Variants in GUF1 observed in about 807,000 individuals in gnomAD.
The protein encoded by GUF1 is translation factor GUF1, mitochondrial.
GUF1 carries 78 observed loss-of-function variants against 82.4 expected under a neutral mutation model. That is an observed-to-expected ratio of 0.95 (90% confidence interval 0.79 to 1.14). The LOEUF (loss-of-function observed/expected upper bound fraction) is 1.14, where lower values mean the gene tolerates loss of function less well. Ranked by LOEUF, GUF1 falls within the 50% of genes most tolerant of loss-of-function variation. The pLI is 0.00. For missense variants in GUF1, 814 were observed against 798.2 expected, an observed-to-expected ratio of 1.02 and a Z score of -0.24; for synonymous variants, 279 against 282.3, an observed-to-expected ratio of 0.99 and a Z score of 0.12.
intron 6 of GUF1, among the ~76,000 whole-genome samples, chr4:44,684,754 A>C (rs1193219184): frequency 6.6e-6 from 1 of 152,162 alleles, no homozygotes; most frequent in African/African-American, 2.4e-5. Flanking sequence ...TTCATACTTT[A>C]AAATTAATAA....
Position 44,700,304 on chromosome 4 carries a change from C to T in GUF1, c.*1623C>T, listed in dbSNP as rs979389816. Reference sequence around the variant, plus strand: ...TCCTTATGGACAAAGAACTCAAAGTCTTCACATGAAACAAATGCATAAATG... The same window carrying T: ...TCCTTATGGACAAAGAACTCAAAGTTTTCACATGAAACAAATGCATAAATG... On this transcript the variant is annotated 3_prime_UTR_variant, in exon 17 of 17. Coordinates refer to ENST00000281543, the MANE Select transcript of GUF1 (RefSeq NM_021927.3). 1 of 152,132 alleles carries T rather than the reference C, an allele frequency of 6.6e-6. No homozygotes were observed. Among genetic ancestry groups the T allele is most frequent in the African/African-American group, 2.4e-5 (1 of 41,428 alleles). 9.4% of individuals were successfully genotyped at this position (152,132 alleles called of 1,614,324 possible).
chr4:44,690,779 A>T lies in GUF1; in HGVS notation c.1398A>T (p.Val466=), dbSNP rs757620363. 2.5e-6 allele frequency: 4 copies of T among 1,599,512 alleles called. No homozygotes were observed. In the South Asian group the frequency reaches 3.3e-5, roughly 13 times the overall value. Residue 466 remains valine, a synonymous_variant, in exon 12 of 17, where the codon GTA becomes GTT. Transcript: ENST00000281543. ...CACAATTCCCCGATAAATCAAAAGT[A>T]ACAGAATATTTGGAGCCAGTTGTTT... The part of the protein sequence containing the change: ...NPAQFPDKSK[V]TEYLEPVVLG...
intron 13 of GUF1, among the ~76,000 whole-genome samples, chr4:44,693,373 C>T (rs887874144): frequency 2.0e-5 from 3 of 151,866 alleles, no homozygotes; most frequent in African/African-American, 7.3e-5. Context: ...TATTTTGGAC[C>T]ACAACATAGC....
intron 6 of GUF1, among the ~76,000 whole-genome samples, chr4:44,684,293 A>G (rs1226061604): frequency 6.6e-6 from 1 of 152,130 alleles, no homozygotes; most frequent in African/African-American, 2.4e-5. Context: ...TCTCTGATAA[A>G]CTGAAACGTG....
At chr4:44,686,415 C>A in intron 7 of GUF1, 95 bp from the exon 8 acceptor site, 1 of 713,812 alleles carries the variant, frequency 1.4e-6, no homozygotes, top group Non-Finnish European at 2.1e-6. Flanking sequence ...CAAACTTTCT[C>A]AAGAACTCAA....
At chr4:44,684,819 A>G (rs1342294771) in intron 6 of GUF1, among the ~76,000 whole-genome samples, 1 of 152,156 alleles carries the variant, frequency 6.6e-6, no homozygotes, top group African/African-American at 2.4e-5. Context: ...TGATTTGGAG[A>G]TAAGTATATA....
At chr4:44,685,531 T>C (rs1714997219) in intron 6 of GUF1, among the ~76,000 whole-genome samples, 1 of 152,126 alleles carries the variant, frequency 6.6e-6, no homozygotes, top group Non-Finnish European at 1.5e-5. Context: ...AGTAGTAAGA[T>C]GCCTTATGGT....
chr4:44,698,598 A>G lies in GUF1; in HGVS notation c.1927A>G (p.Lys643Glu), dbSNP rs545503516. Residue 643 changes from lysine (K) to glutamate (E), a missense_variant, in exon 17 of 17, where the codon AAA becomes GAA. Lys to Glu is a moderately conservative substitution (Grantham distance 56). Coordinates refer to ENST00000281543, the MANE Select transcript of GUF1 (RefSeq NM_021927.3). ...GCTTTTGAAGAGACAAGCAGAAGGG[A>G]AAAAAAAGCTGAGGAAAATTGGCAA... ...MKLLKRQAEG[K>E]KKLRKIGNVE... The G allele has an allele frequency of 1.9e-5, 31 of 1,604,620 alleles. No homozygotes were observed. The highest frequency in any genetic ancestry group is 4.0e-5 in the African/African-American group (3 of 74,456).
chr4:44,696,569 T>C (rs1283119060), intron 15 of GUF1, among the ~76,000 whole-genome samples: 1 of 152,206 alleles, frequency 6.6e-6, no homozygotes, highest in African/African-American at 2.4e-5. Context: ...TCCTCAGTTA[T>C]GAAAAGCTGG....
At position 44,678,615 on chromosome 4, in the gene GUF1, C is replaced by T. The variant is rs1397414922; in HGVS notation, c.-8C>T. 1 of 1,449,094 alleles carries T rather than the reference C, an allele frequency of 6.9e-7. No individual in the cohort carries two copies. The highest frequency in any genetic ancestry group is 9.0e-7 in the Non-Finnish European group (1 of 1,111,026). The allele number at this position is 1,449,094 out of a possible 1,614,324, so 89.8% of individuals were successfully genotyped here. ...GTACCCTCTCCTGACGCCTCCGCCG[C>T]CCGGGTCATGTGGACCCTCGTGGGT... is the stretch of plus-strand genomic sequence containing the variant. On this transcript the variant is annotated 5_prime_UTR_variant, in exon 1 of 17. Coordinates refer to ENST00000281543, the MANE Select transcript of GUF1 (RefSeq NM_021927.3).
Position 44,678,554 on chromosome 4 carries a change from T to G in GUF1, c.-69T>G, listed in dbSNP as rs1714562822. On this transcript the variant is annotated 5_prime_UTR_variant, in exon 1 of 17. Transcript: ENST00000281543. ...CCACCGGATCCTACGGGGGGTACCT[T>G]CGAAAAAAAACGGGCTATGCTGCTG... 1 of 1,296,956 alleles carries G rather than the reference T, an allele frequency of 7.7e-7. No individual in the cohort carries two copies. The highest frequency in any genetic ancestry group is 3.7e-5 in the Admixed American group (1 of 26,970). 80.3% of individuals were successfully genotyped at this position (1,296,956 alleles called of 1,614,324 possible).
intron 4 of GUF1, 126 bp from the exon 5 acceptor site, chr4:44,682,208 G>A: frequency 2.1e-6 from 1 of 472,074 alleles, no homozygotes; most frequent in Non-Finnish European, 3.9e-6. Flanking sequence ...ATGGCATTTT[G>A]TTTAATTTTA....
chr4:44,687,995 A>T lies in GUF1; in HGVS notation c.939-12A>T. 1 of 1,604,396 alleles carries T rather than the reference A, an allele frequency of 6.2e-7. No homozygotes were observed. The highest frequency in any genetic ancestry group is 8.5e-7 in the Non-Finnish European group (1 of 1,175,094). ...AAAGCAGTAAATATTTGCATATAATAATTTTATTTAGATATGCAGGACAGG... is the reference window on the plus strand; with the variant it reads ...AAAGCAGTAAATATTTGCATATAATTATTTTATTTAGATATGCAGGACAGG... On this transcript the variant is annotated splice_polypyrimidine_tract_variant and intron_variant, in intron 8 of 16. Transcript: ENST00000281543.
Position 44,689,356 on chromosome 4 carries a change from T to C in GUF1, c.1149T>C (p.Asp383=), listed in dbSNP as rs1180459629. The change falls in exon 10 of 17, where the codon GAT becomes GAC. Residue 383 remains aspartate, a synonymous_variant. Coordinates refer to ENST00000281543, the MANE Select transcript of GUF1 (RefSeq NM_021927.3). ...CTATAGAAAAACTGACTTTAAATGA[T>C]TCCAGTGTGACCGTTCATCGGGATA... ...KSAIEKLTLN[D]SSVTVHRDSS... is the part of the protein sequence containing the mutation. The C allele has an allele frequency of 9.9e-6, 16 of 1,610,536 alleles. No individual in the cohort carries two copies. The highest frequency in any genetic ancestry group is 1.3e-5 in the Non-Finnish European group (15 of 1,177,790).
Position 44,678,708 on chromosome 4 carries a change from G to C in GUF1, c.86G>C (p.Gly29Ala). Residue 29 changes from glycine (G) to alanine (A), a missense_variant, in exon 1 of 17, where the codon GGG becomes GCG. Gly to Ala is a moderately conservative substitution (Grantham distance 60). Coordinates refer to ENST00000281543, the MANE Select transcript of GUF1 (RefSeq NM_021927.3). ...GGGGCCGCGCTTCTGGTGGCCCCGG[G>C]GCCCCGGTCCGCGCCGACCCTTGGG... Reference protein sequence around the residue: ...ATGAALLVAPGPRSAPTLGAA... With the variant: ...ATGAALLVAPAPRSAPTLGAA... 1 of 1,509,742 alleles carries C rather than the reference G, an allele frequency of 6.6e-7. No homozygotes were observed. Among genetic ancestry groups the C allele is most frequent in the Non-Finnish European group, 8.8e-7 (1 of 1,142,850 alleles). The allele number at this position is 1,509,742 out of a possible 1,614,324, so 93.5% of individuals were successfully genotyped here. A position where few individuals can be genotyped will look rare whatever the true frequency, so the allele number is the denominator to read the frequency against.
intron 13 of GUF1, among the ~76,000 whole-genome samples, chr4:44,692,818 T>A (rs1350220514): frequency 6.6e-6 from 1 of 151,940 alleles, no homozygotes; most frequent in East Asian, 1.9e-4. Flanking sequence ...GAATTTAAAG[T>A]AAAATGAATT....
chr4:44,694,695 G>A (rs771886632), intron 14 of GUF1, among the ~76,000 whole-genome samples, 182 bp downstream of exon 14: 1 of 151,840 alleles, frequency 6.6e-6, no homozygotes, highest in Non-Finnish European at 1.5e-5. Context: ...ATAGAACAGA[G>A]CTATAATAGT....
chr4:44,688,800 T>G (rs1715230094), intron 9 of GUF1, among the ~76,000 whole-genome samples: 1 of 151,946 alleles, frequency 6.6e-6, no homozygotes, highest in African/African-American at 2.4e-5. Flanking sequence ...TCAGTAGTGA[T>G]TCCCATAGTT....
rs1415939490 is a variant in GUF1, at chr4:44,691,763, A to G, written c.1577A>G (p.Tyr526Cys). ...TTGAATGAAATTGTGGTAGATTTTT[A>G]TGACTCTTTGAAATCCCTATCTTCT... ...FPLNEIVVDF[Y>C]DSLKSLSSGY... Residue 526 changes from tyrosine (Y) to cysteine (C), a missense_variant, in exon 13 of 17, where the codon TAT (tyrosine) becomes TGT (cysteine). Coordinates refer to ENST00000281543, the MANE Select transcript of GUF1 (RefSeq NM_021927.3). 1 of 1,597,206 alleles carries G rather than the reference A, an allele frequency of 6.3e-7. No individual in the cohort carries two copies. The highest frequency in any genetic ancestry group is 1.7e-5 in the Admixed American group (1 of 58,340).
Sources: gnomAD v4.1 joint callset for allele counts (sites outside exome capture counted in the v4.1 genomes callset) on GRCh38, gnomAD v4.1.1 for gene constraint, MANE v1.5 for transcripts, NCBI Gene and HGNC (gene_info 2026-07-23, HGNC 2026-07-21) for gene names.